Variants in TBC1D22A observed in about 807,000 individuals in gnomAD.
TBC1D22A encodes the protein TBC1 domain family member 22A.
Under a neutral mutation model 60.2 loss-of-function variants are expected in TBC1D22A, and 38 were observed. The ratio of observed to expected loss-of-function variants is 0.63; its 90% CI spans 0.49 to 0.83. The LOEUF (loss-of-function observed/expected upper bound fraction) is 0.83, where lower values mean the gene tolerates loss of function less well. Among genes scored for constraint, TBC1D22A ranks in the 40% least tolerant of loss-of-function variants. The pLI, the probability that TBC1D22A is intolerant of heterozygous loss-of-function variation, is 0.00. For synonymous variants in TBC1D22A, 302 were observed against 281.7 expected (o/e 1.07, Z -0.72); for missense variants, 628 against 701.0 (o/e 0.90, Z 1.18).
At chr22:47,062,418 C>A (rs895288160) in intron 11 of TBC1D22A, among the ~76,000 whole-genome samples, 1 of 152,170 alleles carries the variant, frequency 6.6e-6, no homozygotes, top group Non-Finnish European at 1.5e-5. Flanking sequence ...GGAAGCAGCA[C>A]GTGGCTGTCT....
At chr22:46,823,774 A>G (rs2085929598) in intron 4 of TBC1D22A, among the ~76,000 whole-genome samples, 1 of 152,250 alleles carries the variant, frequency 6.6e-6, no homozygotes, top group Non-Finnish European at 1.5e-5. Context: ...ATCAGCTCAC[A>G]GCACTTCTGG....
chr22:47,125,246 C>T (rs879279795), intron 12 of TBC1D22A, among the ~76,000 whole-genome samples: 12 of 152,178 alleles, frequency 7.9e-5, no homozygotes, highest in Non-Finnish European at 1.6e-4. Context: ...GGAGGGCGAC[C>T]GTCCCCGGAG....
intron 8 of TBC1D22A, among the ~76,000 whole-genome samples, chr22:46,968,560 G>T (rs35540350): frequency 6.7e-6 from 1 of 148,586 alleles, no homozygotes; most frequent in African/African-American, 2.5e-5. Context: ...TGAGTGGGAG[G>T]GCGTCCTCAC....
intron 10 of TBC1D22A, among the ~76,000 whole-genome samples, chr22:46,998,465 G>T (rs541128778): frequency 1.3e-5 from 2 of 152,294 alleles, no homozygotes; most frequent in Admixed American, 6.5e-5. Flanking sequence ...TCCCATGCGC[G>T]CTTGGCAAAT....
intron 1 of TBC1D22A, among the ~76,000 whole-genome samples, chr22:46,792,040 C>T (rs1157483127): frequency 3.3e-5 from 5 of 152,228 alleles, no homozygotes; most frequent in Non-Finnish European, 7.3e-5. Context: ...GGATTACAGG[C>T]GTGAGCTACC....
chr22:47,069,579 C>T (rs576096719), intron 11 of TBC1D22A, among the ~76,000 whole-genome samples: 86 of 152,322 alleles, frequency 5.6e-4, no homozygotes, highest in African/African-American at 1.8e-3. Flanking sequence ...TTGGATGGAG[C>T]GGAGCTGACC....
chr22:47,105,760 C>G lies in TBC1D22A; in HGVS notation c.1330-5748C>G, dbSNP rs186730219. 1.4e-4 allele frequency among the ~76,000 whole-genome samples: 21 copies of G among 152,242 alleles called. No individual in the cohort carries two copies. The East Asian group carries it at 4.1e-3, about 29-fold the overall frequency. On this transcript the variant is annotated intron_variant, in intron 11 of 12. Transcript: ENST00000337137. ...GAAGCAAATATAGGTTTCCCACCCC[C>G]CCACTCCCCAAAGAAAAGCCTCAAA...
In TBC1D22A at chr22:47,117,865, G is replaced by A. The variant is rs142140079; in HGVS notation, c.1425+6262G>A. Among the ~76,000 whole-genome samples, 1,083 of 152,350 alleles carry A rather than the reference G, an allele frequency of 7.1e-3. 13 individuals are homozygous for A. The highest frequency in any genetic ancestry group is 0.025 in the African/African-American group (1,038 of 41,574). On this transcript the variant is annotated intron_variant, in intron 12 of 12. Transcript: ENST00000337137. The stretch of plus-strand genomic sequence containing the variant: ...GGGCTGAGCACGATGGCTCTTGCCT[G>A]TAATCCCAGCACTTTGGGAGGCAGA...
intron 11 of TBC1D22A, among the ~76,000 whole-genome samples, chr22:47,102,947 G>A (rs1017345833): frequency 6.6e-6 from 1 of 152,174 alleles, no homozygotes; most frequent in Non-Finnish European, 1.5e-5. Flanking sequence ...GCTACTCAGG[G>A]CTGGTTCCCT....
In TBC1D22A at chr22:47,022,657, G is replaced by A. The variant is rs187342063; in HGVS notation, c.1202-14414G>A. ...ATCAATGCACGGATGTGAGGTTGGG[G>A]AAGAACCGCTTGAAATGATGACAGA... On this transcript the variant is annotated intron_variant, in intron 10 of 12. Transcript: ENST00000337137. Among the ~76,000 whole-genome samples, 51 of 152,298 alleles carry A rather than the reference G, an allele frequency of 3.3e-4. No individual in the cohort carries two copies. In the East Asian group the frequency reaches 9.3e-3, roughly 28 times the overall value.
chr22:46,873,789 T>C (rs2067404583), intron 4 of TBC1D22A, among the ~76,000 whole-genome samples: 1 of 151,694 alleles, frequency 6.6e-6, no homozygotes, highest in Non-Finnish European at 1.5e-5. Context: ...CATAATCTTG[T>C]TCCTTTTTTT....
intron 1 of TBC1D22A, among the ~76,000 whole-genome samples, chr22:46,782,806 C>G (rs1208267135): frequency 1.3e-5 from 2 of 152,220 alleles, no homozygotes; most frequent in African/African-American, 4.8e-5. Flanking sequence ...ACCAAGACTT[C>G]ATTCCCTTTA....
At chr22:46,848,858 C>T (rs1040332682) in intron 4 of TBC1D22A, among the ~76,000 whole-genome samples, 9 of 151,362 alleles carry the variant, frequency 5.9e-5, no homozygotes, top group East Asian at 1.9e-4. Flanking sequence ...TTCAGCCCAC[C>T]GTAATAGCAC....
intron 9 of TBC1D22A, among the ~76,000 whole-genome samples, chr22:46,991,881 C>T (rs867487760): frequency 2.0e-5 from 3 of 152,306 alleles, no homozygotes; most frequent in Admixed American, 6.5e-5. Context: ...CTCGGGCCGC[C>T]GGGGCTCTGC....
rs1430967845 is a variant in TBC1D22A, at chr22:47,009,907, G to A, written c.1201+12198G>A. Reference sequence around the variant, plus strand: ...CCTCTTCTGTCCAGCCCCCAGGGAGGTTGGTTGGAGTGGAAGACACTGGCT... The same window carrying A: ...CCTCTTCTGTCCAGCCCCCAGGGAGATTGGTTGGAGTGGAAGACACTGGCT... On this transcript the variant is annotated intron_variant, in intron 10 of 12. Transcript: ENST00000337137. The surrounding 1 kb of genome is among the most constrained non-coding windows in gnomAD (Gnocchi z 5.8). 6.6e-6 allele frequency among the ~76,000 whole-genome samples: 1 copy of A among 152,248 alleles called. No homozygotes were observed. Among genetic ancestry groups the A allele is most frequent in the Non-Finnish European group, 1.5e-5 (1 of 68,050 alleles).
At chr22:47,051,239 G>A (rs924288496) in intron 11 of TBC1D22A, among the ~76,000 whole-genome samples, 6 of 152,170 alleles carry the variant, frequency 3.9e-5, no homozygotes, top group East Asian at 1.9e-4. Flanking sequence ...CTCTAAATAC[G>A]TAAACCCTCC....
intron 4 of TBC1D22A, among the ~76,000 whole-genome samples, chr22:46,852,651 G>A (rs1435474684): frequency 6.6e-6 from 1 of 152,112 alleles, no homozygotes. Context: ...CTTCTTTCTT[G>A]ACCCCTTTGA....
Position 47,173,529 on chromosome 22 carries a change from C to T in TBC1D22A, c.1457C>T (p.Thr486Ile). 6.2e-7 allele frequency: 1 copy of T among 1,614,198 alleles called. No individual in the cohort carries two copies. The highest frequency in any genetic ancestry group is 8.5e-7 in the Non-Finnish European group (1 of 1,180,034). ...ELLLFLQNLP[T>I]AHWDDEDISL... ...CTGCTCTTCCTCCAGAACCTGCCCA[C>T]AGCCCACTGGGATGATGAGGACATC... is the stretch of plus-strand genomic sequence containing the variant. The change falls in exon 13 of 13, where the codon ACA becomes ATA. Residue 486 changes from threonine to isoleucine, a missense_variant. Thr to Ile is a moderately conservative substitution (Grantham distance 89, BLOSUM62 -1). Transcript: ENST00000337137.
intron 4 of TBC1D22A, among the ~76,000 whole-genome samples, chr22:46,852,595 T>A (rs916276282): frequency 2.6e-5 from 4 of 152,188 alleles, no homozygotes; most frequent in African/African-American, 9.7e-5. Flanking sequence ...TGTTCTTGGT[T>A]CCAGCTCCAC....
Sources: allele counts gnomAD v4.1 joint callset (sites outside exome capture counted in the v4.1 genomes callset), GRCh38; gene constraint gnomAD v4.1.1; non-coding constraint Gnocchi (gnomAD v3.1); transcripts MANE v1.5; gene names NCBI Gene and HGNC (gene_info 2026-07-23, HGNC 2026-07-21).